The following ANKRD30A variants were observed in gnomAD, a reference collection of about 807,000 sequenced individuals.
The protein encoded by ANKRD30A is ankyrin repeat domain-containing protein 30A.
ANKRD30A carries 170 observed loss-of-function variants against 166.3 expected under a neutral mutation model. The ratio of observed to expected loss-of-function variants is 1.02; its 90% CI spans 0.90 to 1.16. The LOEUF (loss-of-function observed/expected upper bound fraction) is 1.16. Ranked by LOEUF, ANKRD30A falls within the 50% of genes most tolerant of loss-of-function variation. The pLI is 0.00. For missense variants in ANKRD30A, 1,630 were observed against 1,518.0 expected, an observed-to-expected ratio of 1.07 and a Z score of -1.23; for synonymous variants, 564 against 508.9, an observed-to-expected ratio of 1.11 and a Z score of -1.46.
chr10:37,209,318 C>T (rs1184892795), intron 31 of ANKRD30A, among the ~76,000 whole-genome samples: 1 of 152,086 alleles, frequency 6.6e-6, no homozygotes, highest in Non-Finnish European at 1.5e-5. Flanking sequence ...ACAGGTTGTA[C>T]AGGAAGCATA....
intron 8 of ANKRD30A, among the ~76,000 whole-genome samples, chr10:37,146,833 C>A (rs1837542215): frequency 6.6e-6 from 1 of 152,138 alleles, no homozygotes; most frequent in African/African-American, 2.4e-5. Context: ...CTCTGCCTTC[C>A]TTTATGACTA....
intron 27 of ANKRD30A, among the ~76,000 whole-genome samples, chr10:37,193,826 C>G (rs1588892058): frequency 6.6e-6 from 1 of 152,138 alleles, no homozygotes; most frequent in African/African-American, 2.4e-5. Context: ...TCTTTTAATG[C>G]TACTGTAATG....
rs770713635 is a variant in ANKRD30A, at chr10:37,129,971, C to T, written c.300C>T (p.Asp100=). Residue 100 remains aspartate, a synonymous_variant, in exon 2 of 36, where the codon GAC becomes GAT. Transcript: ENST00000361713. The stretch of plus-strand genomic sequence containing the variant: ...TGGTAGACAGAAAGTGCCAGCTTGA[C>T]GTCCTTGATGGCGAACACAGGACAC... ...TFLVDRKCQL[D]VLDGEHRTPL... 40 of 1,576,920 alleles carry T rather than the reference C, an allele frequency of 2.5e-5. No homozygotes were observed. In the South Asian group the frequency reaches 3.8e-4, roughly 15 times the overall value.
At chr10:37,221,982 T>G (rs916617445) in intron 34 of ANKRD30A, among the ~76,000 whole-genome samples, 3 of 151,384 alleles carry the variant, frequency 2.0e-5, no homozygotes, top group African/African-American at 7.3e-5. Flanking sequence ...TTAATTATAT[T>G]GTATAAACAT....
chr10:37,165,232 T>C (rs1410758820), intron 18 of ANKRD30A, 77 bp downstream of exon 18: 5 of 1,358,778 alleles, frequency 3.7e-6, no homozygotes, highest in Non-Finnish European at 5.2e-6. Context: ...TTAGTCTTTA[T>C]TTTCTCACCT....
chr10:37,148,117 A>G (rs1198324435), intron 9 of ANKRD30A, among the ~76,000 whole-genome samples: 2 of 152,196 alleles, frequency 1.3e-5, no homozygotes, highest in Non-Finnish European at 2.9e-5. Flanking sequence ...GTTAATACAC[A>G]GTATCATTCA....
chr10:37,166,549 C>G (rs556615330), intron 18 of ANKRD30A, 56 bp from the exon 19 acceptor site: 1 of 1,428,666 alleles, frequency 7.0e-7, no homozygotes, highest in African/African-American at 1.4e-5. Context: ...AATTTTGATA[C>G]TCTTCATTAC....
In ANKRD30A at chr10:37,141,785, A is replaced by G; in HGVS notation, c.888A>G (p.Glu296=). ...PLAERTPDTA[E]SLVEKTPDEA... ...CGGAAAGAACACCTGACACAGCTGA[A>G]AGCTTGGTGGAAAAAACACCTGATG... Residue 296 remains glutamate (E), a synonymous_variant, in exon 7 of 36, where the codon GAA becomes GAG. Transcript: ENST00000361713. 1 of 1,612,444 alleles carries G rather than the reference A, an allele frequency of 6.2e-7. No individual in the cohort carries two copies. Among genetic ancestry groups the G allele is most frequent in the Non-Finnish European group, 8.5e-7 (1 of 1,179,624 alleles).
chr10:37,214,627 GTAT>G (rs1271831393), intron 31 of ANKRD30A, among the ~76,000 whole-genome samples: 1 of 148,348 alleles, frequency 6.7e-6, no homozygotes, highest in Non-Finnish European at 1.5e-5. Flanking sequence ...TCTTTTTGTG[GTAT>G]AAGTTTATTT....
intron 6 of ANKRD30A, among the ~76,000 whole-genome samples, chr10:37,137,810 C>T (rs557364643): frequency 6.6e-6 from 1 of 152,280 alleles, no homozygotes; most frequent in Admixed American, 6.5e-5. Flanking sequence ...AGGGCATTGC[C>T]AAACAAAAGG....
chr10:37,164,326 G>A (rs887310154), intron 17 of ANKRD30A, among the ~76,000 whole-genome samples: 4 of 147,224 alleles, frequency 2.7e-5, no homozygotes, highest in East Asian at 1.9e-4. Context: ...CTGAGAACTC[G>A]TCAAGTCTTG....
intron 25 of ANKRD30A, among the ~76,000 whole-genome samples, chr10:37,192,372 G>T (rs987144873): frequency 2.6e-5 from 4 of 152,000 alleles, no homozygotes; most frequent in African/African-American, 7.3e-5. Context: ...GGTATGCTTG[G>T]ACCTTTTTGT....
At chr10:37,196,619 A>C (rs1467279509) in intron 27 of ANKRD30A, among the ~76,000 whole-genome samples, 1 of 152,150 alleles carries the variant, frequency 6.6e-6, no homozygotes, top group Non-Finnish European at 1.5e-5. Context: ...TATTGCAATA[A>C]ATTTTTATAG....
chr10:37,133,866 A>T (rs747680890), intron 4 of ANKRD30A, 50 bp from the exon 5 acceptor site: 2 of 1,595,864 alleles, frequency 1.3e-6, no homozygotes. Context: ...ACAGGCACAT[A>T]TTAAATTGGT....
At chr10:37,240,159 AAC>A in the ANKRD30A span, among the ~76,000 whole-genome samples, 2 of 152,130 alleles carry the variant, frequency 1.3e-5, no homozygotes, top group South Asian at 2.1e-4. Context: ...GAAAGATATA[AAC>A]ACATACTCAT....
At chr10:37,232,697 T>TATATATATATATATATAGAGAGAG (rs1273812991), downstream of ANKRD30A, 1 of 78,400 alleles carries the variant, frequency 1.3e-5, no homozygotes, top group Non-Finnish European at 2.4e-5. Flanking sequence ...TATATATAAA[T>TATATATATATATATATAGAGAGAG]AGAGAGAGAG....
chr10:37,201,202 A>G (rs376092489), intron 30 of ANKRD30A, 33 bp from the exon 31 acceptor site: 33 of 1,437,082 alleles, frequency 2.3e-5, no homozygotes, highest in Middle Eastern at 1.9e-4. Flanking sequence ...GGATTTTTCC[A>G]TTGAAATTAT....
intron 34 of ANKRD30A, among the ~76,000 whole-genome samples, chr10:37,223,235 C>A (rs1028310245): frequency 1.3e-5 from 2 of 150,494 alleles, no homozygotes; most frequent in African/African-American, 4.9e-5. Flanking sequence ...CTTGATAAAC[C>A]CATTATAAGT....
At chr10:37,223,794 T>G (rs1222952548) in intron 34 of ANKRD30A, among the ~76,000 whole-genome samples, 1 of 151,208 alleles carries the variant, frequency 6.6e-6, no homozygotes, top group Non-Finnish European at 1.5e-5. Flanking sequence ...TCTCTAGATT[T>G]TTAATAATAA....
Sources: gnomAD v4.1 joint callset for allele counts (sites outside exome capture counted in the v4.1 genomes callset) on GRCh38, gnomAD v4.1.1 for gene constraint, MANE v1.5 for transcripts, NCBI Gene and HGNC (gene_info 2026-07-23, HGNC 2026-07-21) for gene names.